The following SDC2 variants were observed in gnomAD, a reference collection of about 807,000 sequenced individuals.
The protein encoded by SDC2 is syndecan-2.
SDC2 carries 13 observed loss-of-function variants against 22.2 expected under a neutral mutation model. The observed-to-expected ratio is 0.59, with a 90% CI of 0.38 to 0.93. SDC2 has a LOEUF of 0.93. Ranked by LOEUF, SDC2 falls within the 40% of genes least tolerant of loss-of-function variation. SDC2 has a pLI of 0.00. For missense variants in SDC2, 235 were observed against 246.8 expected (o/e 0.95, Z 0.32); for synonymous variants, 94 against 92.8 (o/e 1.01, Z -0.07).
chr8:96,530,548 T>C, intron 1 of SDC2, among the ~76,000 whole-genome samples: 1 of 152,034 alleles, frequency 6.6e-6, no homozygotes, highest in East Asian at 1.9e-4. Context: ...GCAGGAGAAT[T>C]TCTGGAACCC....
At chr8:96,546,167 C>G (rs1242089769) in intron 1 of SDC2, among the ~76,000 whole-genome samples, 2 of 152,176 alleles carry the variant, frequency 1.3e-5, no homozygotes, top group Non-Finnish European at 2.9e-5. Flanking sequence ...TGATGGTGGT[C>G]CCTCACAGGT....
intron 1 of SDC2, among the ~76,000 whole-genome samples, chr8:96,576,398 G>C (rs1314891604): frequency 4.7e-5 from 1 of 21,336 alleles, no homozygotes; most frequent in African/African-American, 1.3e-4. Context: ...TTTTTTACCA[G>C]ATTTGCTTTA....
chr8:96,558,870 T>C (rs1249588238), intron 1 of SDC2, among the ~76,000 whole-genome samples: 1 of 152,174 alleles, frequency 6.6e-6, no homozygotes, highest in African/African-American at 2.4e-5. Flanking sequence ...TCACAGATCA[T>C]GAATGTAATA....
chr8:96,556,470 C>T (rs1331788210), intron 1 of SDC2, among the ~76,000 whole-genome samples: 2 of 151,926 alleles, frequency 1.3e-5, no homozygotes, highest in Middle Eastern at 3.2e-3. Context: ...AATAACGCCG[C>T]ATATCTACAA....
At chr8:96,603,007 G>A (rs1561158) in intron 3 of SDC2, among the ~76,000 whole-genome samples, 26,306 of 152,024 alleles carry the variant, frequency 0.17, 2,371 homozygotes, top group South Asian at 0.31. Context: ...GACCTCTCTC[G>A]ATGATGATGA....
At chr8:96,564,540 C>T (rs972524547) in intron 1 of SDC2, among the ~76,000 whole-genome samples, 1 of 152,198 alleles carries the variant, frequency 6.6e-6, no homozygotes. Context: ...GGATTAGCCT[C>T]ACACAGAGAG....
At chr8:96,564,966 TC>T (rs2130569700) in intron 1 of SDC2, among the ~76,000 whole-genome samples, 1 of 152,072 alleles carries the variant, frequency 6.6e-6, no homozygotes, top group East Asian at 1.9e-4. Context: ...CAATGGGATA[TC>T]CCTTTCTGCC....
chr8:96,531,192 C>T (rs1411525185), intron 1 of SDC2, among the ~76,000 whole-genome samples: 1 of 152,116 alleles, frequency 6.6e-6, no homozygotes, highest in Non-Finnish European at 1.5e-5. Flanking sequence ...GTAGATTGTT[C>T]AAGGTTACAC....
chr8:96,527,644 C>CT (rs1486232231), intron 1 of SDC2, among the ~76,000 whole-genome samples: 1 of 152,082 alleles, frequency 6.6e-6, no homozygotes, highest in East Asian at 1.9e-4. Context: ...CTTGTTGAGT[C>CT]TTAAAACCAA....
chr8:96,563,020 A>G (rs1814236755), intron 1 of SDC2, among the ~76,000 whole-genome samples: 1 of 151,282 alleles, frequency 6.6e-6, no homozygotes. Context: ...GTGGCTCTGT[A>G]CTCCTTTCTC....
intron 1 of SDC2, among the ~76,000 whole-genome samples, chr8:96,549,040 G>A (rs1813982554): frequency 6.6e-6 from 1 of 152,132 alleles, no homozygotes; most frequent in African/African-American, 2.4e-5. Flanking sequence ...CCAGTAAATT[G>A]AACTCGAAGG....
intron 2 of SDC2, among the ~76,000 whole-genome samples, chr8:96,601,677 C>T (rs1395653293): frequency 2.0e-5 from 3 of 151,276 alleles, no homozygotes; most frequent in African/African-American, 7.3e-5. Context: ...AACAAAAACC[C>T]GGGAGAGAGG....
At chr8:96,526,399 T>G (rs943416424) in intron 1 of SDC2, among the ~76,000 whole-genome samples, 1 of 152,202 alleles carries the variant, frequency 6.6e-6, no homozygotes, top group African/African-American at 2.4e-5. Context: ...TTCATGTTTC[T>G]TGTTATGTGG....
At chr8:96,559,625 C>T (rs1413549907) in intron 1 of SDC2, among the ~76,000 whole-genome samples, 5 of 152,140 alleles carry the variant, frequency 3.3e-5, no homozygotes, top group Non-Finnish European at 5.9e-5. Context: ...TTACCAGTGA[C>T]GATTTAGTGA....
chr8:96,534,439 A>T (rs1282319413), intron 1 of SDC2, among the ~76,000 whole-genome samples: 1 of 151,708 alleles, frequency 6.6e-6, no homozygotes, highest in African/African-American at 2.4e-5. Context: ...TGGCTTTTCC[A>T]TTTTCCTTTC....
At chr8:96,506,949 C>T (rs1292446853) in intron 1 of SDC2, among the ~76,000 whole-genome samples, 1 of 144,016 alleles carries the variant, frequency 6.9e-6, no homozygotes, top group Non-Finnish European at 1.5e-5. Context: ...GTGGAGATTG[C>T]GGTGAGCCGA....
chr8:96,540,239 C>G (rs1343196627), intron 1 of SDC2, among the ~76,000 whole-genome samples: 1 of 151,280 alleles, frequency 6.6e-6, no homozygotes, highest in African/African-American at 2.4e-5. Flanking sequence ...GGCGTGTAAT[C>G]CCAGTACTTT....
At chr8:96,533,097 C>G (rs116216839) in intron 1 of SDC2, among the ~76,000 whole-genome samples, 4,659 of 152,198 alleles carry the variant, frequency 0.031, 238 homozygotes, top group African/African-American at 0.1. Flanking sequence ...TGCTTGGTCT[C>G]GCTGGCTTCA....
At chr8:96,564,735 G>GAT (rs1362830742) in intron 1 of SDC2, among the ~76,000 whole-genome samples, 5 of 152,152 alleles carry the variant, frequency 3.3e-5, no homozygotes, top group Non-Finnish European at 7.3e-5. Context: ...AATACCTCAA[G>GAT]ATTCCAGGTT....
Sources: allele counts gnomAD v4.1 joint callset (sites outside exome capture counted in the v4.1 genomes callset), GRCh38; gene constraint gnomAD v4.1.1; transcripts MANE v1.5; gene names NCBI Gene and HGNC (gene_info 2026-07-23, HGNC 2026-07-21).